LRP1B: variants seen among roughly 807,000 people sequenced by gnomAD.
The protein encoded by LRP1B is low-density lipoprotein receptor-related protein 1B.
Under a neutral mutation model 556.6 loss-of-function variants are expected in LRP1B, and 217 were observed. The observed-to-expected ratio is 0.39, with a 90% CI of 0.35 to 0.44. The LOEUF is 0.44. Ranked by LOEUF, LRP1B falls within the 20% of genes least tolerant of loss-of-function variation. The probability of loss-of-function intolerance (pLI) is 1.00; values close to 1 mark genes in which losing one functional copy is unlikely to be tolerated. For synonymous variants in LRP1B, 2,047 were observed against 1,865.8 expected, an observed-to-expected ratio of 1.10 and a Z score of -2.50; for missense variants, 5,053 against 5,620.8, an observed-to-expected ratio of 0.90 and a Z score of 3.23.
At chr2:141,830,170 A>C (rs976046975) in intron 1 of LRP1B, among the ~76,000 whole-genome samples, 1 of 151,930 alleles carries the variant, frequency 6.6e-6, no homozygotes, top group Admixed American at 6.6e-5. Flanking sequence ...TCTAATAAAA[A>C]CTGTAACCTT....
At chr2:141,444,379 G>C (rs965926670) in intron 3 of LRP1B, among the ~76,000 whole-genome samples, 1 of 152,126 alleles carries the variant, frequency 6.6e-6, no homozygotes, top group Non-Finnish European at 1.5e-5. Context: ...ATCTCAAATA[G>C]AGATAATTTG....
At chr2:140,611,701 T>C (rs12465956) in intron 41 of LRP1B, among the ~76,000 whole-genome samples, 34,737 of 151,914 alleles carry the variant, frequency 0.23, 4,244 homozygotes, top group Admixed American at 0.3. Context: ...TGTTAAGAAT[T>C]TTATGTAAAT....
intron 1 of LRP1B, among the ~76,000 whole-genome samples, chr2:141,973,234 T>C (rs181331217): frequency 6.6e-6 from 1 of 151,846 alleles, no homozygotes; most frequent in Non-Finnish European, 1.5e-5. Context: ...AAATAAAATG[T>C]ATTTTAATAA....
At chr2:141,436,787 A>C (rs1680782402) in intron 3 of LRP1B, among the ~76,000 whole-genome samples, 1 of 152,146 alleles carries the variant, frequency 6.6e-6, no homozygotes, top group Non-Finnish European at 1.5e-5. Flanking sequence ...AAAATAGAGG[A>C]GGTGGGAGGG....
chr2:141,026,682 T>C (rs151198780), intron 11 of LRP1B, among the ~76,000 whole-genome samples: 1 of 152,156 alleles, frequency 6.6e-6, no homozygotes, highest in East Asian at 1.9e-4. Flanking sequence ...AAGTTCTTAA[T>C]AATAATTTAT....
intron 3 of LRP1B, among the ~76,000 whole-genome samples, chr2:141,374,762 T>C (rs1443318280): frequency 1.3e-5 from 2 of 152,212 alleles, no homozygotes; most frequent in Non-Finnish European, 2.9e-5. Context: ...TTCATTCATA[T>C]CCTGAATTGA....
intron 3 of LRP1B, among the ~76,000 whole-genome samples, chr2:141,458,586 C>A (rs1477293922): frequency 6.6e-6 from 1 of 152,092 alleles, no homozygotes; most frequent in African/African-American, 2.4e-5. Context: ...TGACTCAGTG[C>A]TGTTTTCCGT....
chr2:141,971,230 C>T (rs149195230), intron 1 of LRP1B, among the ~76,000 whole-genome samples: 47 of 151,518 alleles, frequency 3.1e-4, no homozygotes, highest in Non-Finnish European at 5.2e-4. Context: ...ATATTTCACA[C>T]GTGTATCTTA....
intron 3 of LRP1B, among the ~76,000 whole-genome samples, chr2:141,319,317 T>TTTTTTG (rs1559002108): frequency 4.0e-5 from 6 of 148,978 alleles, no homozygotes; most frequent in African/African-American, 1.5e-4. Flanking sequence ...GTTGTTTTTT[T>TTTTTTG]TTTTTTTCCT....
At chr2:142,034,796 G>A (rs1703823109) in intron 1 of LRP1B, among the ~76,000 whole-genome samples, 1 of 151,618 alleles carries the variant, frequency 6.6e-6, no homozygotes, top group Non-Finnish European at 1.5e-5. Flanking sequence ...ACCACACTGT[G>A]GTTATCATGA....
chr2:140,717,025 T>G (rs1687237294), intron 35 of LRP1B, among the ~76,000 whole-genome samples: 1 of 152,028 alleles, frequency 6.6e-6, no homozygotes, highest in Non-Finnish European at 1.5e-5. Context: ...AGTCAAATGA[T>G]TTTTGAAGTA....
chr2:141,097,916 T>C (rs1445367703), intron 7 of LRP1B, among the ~76,000 whole-genome samples: 1 of 152,194 alleles, frequency 6.6e-6, no homozygotes, highest in Non-Finnish European at 1.5e-5. Flanking sequence ...AAAATAATTG[T>C]CAATGAATGG....
chr2:141,439,674 T>A (rs1248252080), intron 3 of LRP1B, among the ~76,000 whole-genome samples: 1 of 152,104 alleles, frequency 6.6e-6, no homozygotes, highest in African/African-American at 2.4e-5. Context: ...AGTTACCAGC[T>A]AATTAAGTCC....
At chr2:141,458,404 C>T (rs971679850) in intron 3 of LRP1B, among the ~76,000 whole-genome samples, 1 of 152,110 alleles carries the variant, frequency 6.6e-6, no homozygotes, top group Admixed American at 6.6e-5. Context: ...ACTGCTTTTG[C>T]CAATTCATTG....
chr2:141,209,425 T>C (rs919162335), intron 6 of LRP1B, among the ~76,000 whole-genome samples: 2 of 152,196 alleles, frequency 1.3e-5, no homozygotes, highest in Non-Finnish European at 1.5e-5. Flanking sequence ...TCCCCAGCTA[T>C]GCCGAGCTGT....
At chr2:140,775,109 G>A (rs1478823055) in intron 33 of LRP1B, among the ~76,000 whole-genome samples, 1 of 151,768 alleles carries the variant, frequency 6.6e-6, no homozygotes, top group African/African-American at 2.4e-5. Context: ...TCTTCTGCTT[G>A]GGGCAAGTAA....
At chr2:140,233,538 T>C (rs79512634) in intron 90 of LRP1B, among the ~76,000 whole-genome samples, 48 of 151,276 alleles carry the variant, frequency 3.2e-4, no homozygotes, top group African/African-American at 1.1e-3. Flanking sequence ...AATTTTACAT[T>C]TTGCAAGTAA....
At chr2:140,797,417 TTA>T (rs1690354578) in intron 32 of LRP1B, among the ~76,000 whole-genome samples, 2 of 152,094 alleles carry the variant, frequency 1.3e-5, no homozygotes, top group South Asian at 2.1e-4. Flanking sequence ...ATTATTTTAT[TTA>T]TATGACTAGT....
intron 7 of LRP1B, among the ~76,000 whole-genome samples, chr2:141,112,702 C>T (rs1376822267): frequency 6.6e-6 from 1 of 152,120 alleles, no homozygotes; most frequent in African/African-American, 2.4e-5. Context: ...CTGCAAGAAC[C>T]TAACCTTGTA....
Sources: allele counts gnomAD v4.1 joint callset (sites outside exome capture counted in the v4.1 genomes callset), GRCh38; gene constraint gnomAD v4.1.1; transcripts MANE v1.5; gene names NCBI Gene and HGNC (gene_info 2026-07-23, HGNC 2026-07-21).